ASPRV1: variants seen among roughly 807,000 people sequenced by gnomAD.
ASPRV1 encodes the protein retroviral-like aspartic protease 1.
In ASPRV1, 7 loss-of-function variants were observed where a neutral mutation model predicts 11.0. That is an observed-to-expected ratio of 0.64 (90% CI 0.36 to 1.20). The LOEUF (loss-of-function observed/expected upper bound fraction) is 1.20, where lower values mean the gene tolerates loss of function less well. ASPRV1 is among the 50% of genes most tolerant of loss of function. The pLI, the probability that ASPRV1 is intolerant of heterozygous loss-of-function variation, is 0.02. For synonymous variants in ASPRV1, 136 were observed against 138.4 expected, an observed-to-expected ratio of 0.98 and a Z score of 0.12; for missense variants, 299 against 320.0, an observed-to-expected ratio of 0.93 and a Z score of 0.50.
chr2:70,000,343 C>T, the ASPRV1 span, among the ~76,000 whole-genome samples: 1 of 146,214 alleles, frequency 6.8e-6, no homozygotes. Flanking sequence ...AAACCACACA[C>T]ACACACACAC....
chr2:70,086,371 C>G, the ASPRV1 span: 23,137 of 152,246 alleles, frequency 0.15, 2,739 homozygotes, highest in South Asian at 0.3. Context: ...ACGTTGCGCA[C>G]GGGGCCCTTT....
the ASPRV1 span, chr2:70,053,718 T>G: frequency 6.6e-6 from 1 of 151,358 alleles, no homozygotes; most frequent in Non-Finnish European, 1.5e-5. Context: ...CAATCTGGCT[T>G]CAGCTCTCTT....
chr2:69,969,894 A>T, the ASPRV1 span, among the ~76,000 whole-genome samples: 1 of 139,764 alleles, frequency 7.2e-6, no homozygotes, highest in African/African-American at 3.2e-5. Flanking sequence ...TAATTCTCTT[A>T]AATTTTTTTT....
chr2:70,042,221 T>C, the ASPRV1 span, among the ~76,000 whole-genome samples: 3 of 152,162 alleles, frequency 2.0e-5, no homozygotes, highest in East Asian at 5.8e-4. Context: ...ACAGCTAACA[T>C]GAAATCCAGG....
At chr2:70,053,591 G>C in the ASPRV1 span, 4 of 152,148 alleles carry the variant, frequency 2.6e-5, no homozygotes, top group African/African-American at 9.7e-5. Flanking sequence ...AGGTCCAGCT[G>C]CCCTGCTTAT....
At chr2:70,009,936 C>T in the ASPRV1 span, among the ~76,000 whole-genome samples, 1 of 152,120 alleles carries the variant, frequency 6.6e-6, no homozygotes, top group Non-Finnish European at 1.5e-5. Context: ...GACCAGCAGC[C>T]CCACAGCACT....
chr2:70,056,673 C>A, the ASPRV1 span: 1 of 150,424 alleles, frequency 6.6e-6, no homozygotes, highest in African/African-American at 2.5e-5. Context: ...ATTTCTCATA[C>A]CCTTAAAAAT....
chr2:69,985,559 CA>C, the ASPRV1 span, among the ~76,000 whole-genome samples: 1 of 152,212 alleles, frequency 6.6e-6, no homozygotes, highest in Non-Finnish European at 1.5e-5. Context: ...CAGTTCCATC[CA>C]TTGGCCAACC....
At chr2:69,982,036 TATCCATCCATCCATCCATCCATCC>T in the ASPRV1 span, among the ~76,000 whole-genome samples, 3 of 149,024 alleles carry the variant, frequency 2.0e-5, no homozygotes, top group Non-Finnish European at 4.4e-5. Flanking sequence ...CCCTCTCATC[TATCCATCCATCCATCCATCCATCC>T]ATCCATCCAT....
the ASPRV1 span, chr2:70,050,962 C>G: frequency 6.6e-6 from 1 of 151,734 alleles, no homozygotes; most frequent in African/African-American, 2.4e-5. Context: ...AAAAAAAGTT[C>G]AAAAGTCATG....
At chr2:70,047,842 G>C in the ASPRV1 span, among the ~76,000 whole-genome samples, 1 of 152,122 alleles carries the variant, frequency 6.6e-6, no homozygotes, top group Non-Finnish European at 1.5e-5. Flanking sequence ...CAGGCGTGGT[G>C]ACTCATGCCT....
the ASPRV1 span, among the ~76,000 whole-genome samples, chr2:70,022,083 C>T: frequency 2.0e-5 from 3 of 151,482 alleles, no homozygotes; most frequent in South Asian, 2.1e-4. Context: ...GGTGCGATCT[C>T]GGCTCACTGC....
At chr2:69,983,160 C>T in the ASPRV1 span, among the ~76,000 whole-genome samples, 20 of 152,268 alleles carry the variant, frequency 1.3e-4, no homozygotes, top group South Asian at 3.7e-3. Flanking sequence ...CTCAGGCAAT[C>T]CGCCCACCAT....
the ASPRV1 span, among the ~76,000 whole-genome samples, chr2:70,023,386 G>C: frequency 6.6e-6 from 1 of 152,220 alleles, no homozygotes; most frequent in Non-Finnish European, 1.5e-5. Context: ...ATAAAAGACA[G>C]GGCTGAGAGC....
the ASPRV1 span, among the ~76,000 whole-genome samples, chr2:70,055,303 G>C: frequency 6.6e-6 from 1 of 151,870 alleles, no homozygotes; most frequent in Non-Finnish European, 1.5e-5. Context: ...GCAAGACTCC[G>C]TCTCAAAAAA....
At chr2:70,061,427 ATAGT>A in the ASPRV1 span, among the ~76,000 whole-genome samples, 2 of 150,896 alleles carry the variant, frequency 1.3e-5, no homozygotes, top group Non-Finnish European at 3.0e-5. Flanking sequence ...AAACCTAGGG[ATAGT>A]TAATTGAGAC....
At chr2:70,039,545 A>G in the ASPRV1 span, among the ~76,000 whole-genome samples, 2 of 152,226 alleles carry the variant, frequency 1.3e-5, no homozygotes, top group African/African-American at 4.8e-5. Flanking sequence ...TTTAAACCAG[A>G]TTACATGAGG....
the ASPRV1 span, among the ~76,000 whole-genome samples, chr2:70,053,322 G>A: frequency 2.6e-5 from 4 of 152,158 alleles, no homozygotes; most frequent in East Asian, 7.8e-4. Context: ...ACTTCCCAAA[G>A]GTGAAATCCA....
chr2:69,967,943 G>A, the ASPRV1 span, among the ~76,000 whole-genome samples: 17 of 152,178 alleles, frequency 1.1e-4, no homozygotes, highest in East Asian at 3.9e-4. Flanking sequence ...TTAGTTGGGC[G>A]TGGTGGCGCA....
Sources: allele counts gnomAD v4.1 joint callset (sites outside exome capture counted in the v4.1 genomes callset), GRCh38; gene constraint gnomAD v4.1.1; transcripts MANE v1.5; gene names NCBI Gene and HGNC (gene_info 2026-07-23, HGNC 2026-07-21).